ACOXL: variants seen among roughly 807,000 people sequenced by gnomAD.
The protein encoded by ACOXL is acyl-CoA oxidase like.
Under a neutral mutation model 71.9 loss-of-function variants are expected in ACOXL, and 70 were observed. The observed-to-expected ratio is 0.97, with a 90% confidence interval of 0.80 to 1.19. The LOEUF is 1.19. Ranked by LOEUF, ACOXL falls within the 50% of genes most tolerant of loss-of-function variation. The probability of loss-of-function intolerance (pLI) is 0.00; values close to 1 mark genes in which losing one functional copy is unlikely to be tolerated. For synonymous variants in ACOXL, 253 were observed against 281.6 expected (o/e 0.90, Z 1.02); for missense variants, 703 against 736.3 (o/e 0.95, Z 0.52).
At chr2:110,885,414 T>G (rs1460806055) in intron 10 of ACOXL, among the ~76,000 whole-genome samples, 6 of 152,218 alleles carry the variant, frequency 3.9e-5, no homozygotes, top group Non-Finnish European at 2.9e-5. Context: ...CACATTTTCA[T>G]GTATCAGAAT....
intron 12 of ACOXL, among the ~76,000 whole-genome samples, chr2:110,982,027 C>T (rs191792222): frequency 3.3e-5 from 5 of 152,282 alleles, no homozygotes; most frequent in South Asian, 2.1e-4. Context: ...CAAAACTAAC[C>T]GCTCTTAAGT....
intron 15 of ACOXL, among the ~76,000 whole-genome samples, chr2:111,036,478 T>C (rs1249651418): frequency 6.6e-6 from 1 of 152,156 alleles, no homozygotes; most frequent in African/African-American, 2.4e-5. Context: ...CAGATGGAAT[T>C]CACTGCCAAA....
At chr2:110,940,287 A>G (rs932045672) in intron 12 of ACOXL, among the ~76,000 whole-genome samples, 1 of 152,148 alleles carries the variant, frequency 6.6e-6, no homozygotes, top group African/African-American at 2.4e-5. Flanking sequence ...GGGTCTTGCT[A>G]TATATAGTTG....
intron 1 of ACOXL, among the ~76,000 whole-genome samples, chr2:110,750,013 A>T (rs1678716690): frequency 6.6e-6 from 1 of 152,196 alleles, no homozygotes. Context: ...TGTTGGGAAG[A>T]ATATCCTGAG....
intron 11 of ACOXL, among the ~76,000 whole-genome samples, chr2:110,921,481 C>G (rs957270533): frequency 6.8e-6 from 1 of 147,190 alleles, no homozygotes; most frequent in African/African-American, 2.5e-5. Context: ...GCAAGCTCCA[C>G]TTCCCGGGTT....
At chr2:110,798,767 G>C (rs557457400) in intron 6 of ACOXL, 43 bp downstream of exon 6, 1 of 1,560,708 alleles carries the variant, frequency 6.4e-7, no homozygotes, top group African/African-American at 1.4e-5. Context: ...CTCTTCATTA[G>C]TACTATTTAC....
intron 3 of ACOXL, 66 bp from the exon 4 acceptor site, chr2:110,793,584 G>A (rs770439585): frequency 5.9e-5 from 87 of 1,463,036 alleles, no homozygotes; most frequent in Non-Finnish European, 8.0e-5. Context: ...GAGTTTGGCC[G>A]TGGATTTAAT....
At chr2:110,951,129 GTTATGA>G (rs2061320282) in intron 12 of ACOXL, among the ~76,000 whole-genome samples, 1 of 152,204 alleles carries the variant, frequency 6.6e-6, no homozygotes, top group Non-Finnish European at 1.5e-5. Flanking sequence ...GGGGTCACGT[GTTATGA>G]ACGTGCCAGC....
chr2:110,768,513 T>TGA lies in ACOXL; in HGVS notation c.75+73_75+74dup, dbSNP rs1170772823. ...ATGGTTGTGTGTGTGTGTGTGTGTG[T>TGA]GAGAGAGAGAGAGAGAGAGAGAGAG... On this transcript the variant is annotated intron_variant, in intron 2 of 17. Transcript: ENST00000439055. The TGA allele has an allele frequency of 9.7e-3, 8,870 of 913,524 alleles. 15 individuals carry two copies. Among genetic ancestry groups the TGA allele is most frequent in the African/African-American group, 0.014 (778 of 57,292 alleles). The allele number at this position is 913,524 out of a possible 1,614,324, so 56.6% of individuals were successfully genotyped here. A position where few individuals can be genotyped will look rare whatever the true frequency, so the allele number is the denominator to read the frequency against.
intron 9 of ACOXL, among the ~76,000 whole-genome samples, chr2:110,813,391 C>A (rs1559296921): frequency 6.6e-6 from 1 of 152,162 alleles, no homozygotes; most frequent in African/African-American, 2.4e-5. Flanking sequence ...TGACTGCTTC[C>A]CAGTGCTCCC....
intron 2 of ACOXL, among the ~76,000 whole-genome samples, chr2:110,774,432 C>G (rs1437576956): frequency 6.6e-6 from 1 of 151,916 alleles, no homozygotes; most frequent in Non-Finnish European, 1.5e-5. Flanking sequence ...GTAGAAAACC[C>G]CAAGATTCCA....
intron 12 of ACOXL, among the ~76,000 whole-genome samples, chr2:110,975,356 G>A (rs566678689): frequency 6.6e-6 from 1 of 152,124 alleles, no homozygotes; most frequent in South Asian, 2.1e-4. Context: ...TTCATTATAT[G>A]TTAACACTTT....
intron 16 of ACOXL, among the ~76,000 whole-genome samples, chr2:111,071,802 G>A (rs1163553091): frequency 6.6e-6 from 1 of 152,220 alleles, no homozygotes; most frequent in Non-Finnish European, 1.5e-5. Context: ...GTTGGTCCCA[G>A]TGGGCTTGAG....
intron 10 of ACOXL, among the ~76,000 whole-genome samples, chr2:110,877,970 G>T (rs1260392193): frequency 6.6e-6 from 1 of 152,226 alleles, no homozygotes; most frequent in Non-Finnish European, 1.5e-5. Context: ...GGCACTGGAA[G>T]GTTGGGTGTG....
At chr2:110,992,317 T>C (rs1374398672) in intron 13 of ACOXL, among the ~76,000 whole-genome samples, 1 of 152,236 alleles carries the variant, frequency 6.6e-6, no homozygotes. Context: ...ACTCTGACTT[T>C]ATATGAAGGA....
intron 8 of ACOXL, among the ~76,000 whole-genome samples, chr2:110,802,345 C>G (rs955932805): frequency 6.6e-6 from 1 of 152,174 alleles, no homozygotes; most frequent in Admixed American, 6.6e-5. Context: ...ATGCTTTTCA[C>G]AGAAGCTGAG....
At chr2:110,963,332 A>G (rs189653890) in intron 12 of ACOXL, among the ~76,000 whole-genome samples, 109 of 151,828 alleles carry the variant, frequency 7.2e-4, no homozygotes, top group South Asian at 1.9e-3. Flanking sequence ...AAAAAAAATC[A>G]GTCCACTTTA....
chr2:110,968,698 T>C (rs1345117305), intron 12 of ACOXL: 4 of 1,151,762 alleles, frequency 3.5e-6, no homozygotes, highest in Non-Finnish European at 4.8e-6. Flanking sequence ...TCCTCAGAGC[T>C]CAGGAGCGGG....
intron 9 of ACOXL, among the ~76,000 whole-genome samples, chr2:110,826,784 T>G (rs1176082441): frequency 6.6e-6 from 1 of 151,952 alleles, no homozygotes; most frequent in Admixed American, 6.6e-5. Context: ...TTTTTTGTTT[T>G]AAGGAGCAAT....
Sources: gnomAD v4.1 joint callset for allele counts (sites outside exome capture counted in the v4.1 genomes callset) on GRCh38, gnomAD v4.1.1 for gene constraint, MANE v1.5 for transcripts, NCBI Gene and HGNC (gene_info 2026-07-23, HGNC 2026-07-21) for gene names.